Variants in BORCS5 observed in about 807,000 individuals in gnomAD.
The protein encoded by BORCS5 is BLOC-1 related complex subunit 5.
Under a neutral mutation model 22.1 loss-of-function variants are expected in BORCS5, and 17 were observed. The ratio of observed to expected loss-of-function variants is 0.77; its 90% CI spans 0.53 to 1.15. BORCS5 has a LOEUF of 1.15. Among genes scored for constraint, BORCS5 ranks in the 50% most tolerant of loss-of-function variants. The pLI is 0.00. For missense variants in BORCS5, 247 were observed against 253.2 expected (o/e 0.98, Z 0.17); for synonymous variants, 117 against 99.8 (o/e 1.17, Z -1.03).
chr12:12,410,019 A>G (rs1373571003), intron 2 of BORCS5, among the ~76,000 whole-genome samples: 1 of 152,130 alleles, frequency 6.6e-6, no homozygotes, highest in African/African-American at 2.4e-5. Context: ...TTGGCTGCAT[A>G]AATGTCTTCT....
chr12:12,436,628 A>G (rs1331556514), intron 3 of BORCS5, among the ~76,000 whole-genome samples: 1 of 102,802 alleles, frequency 9.7e-6, no homozygotes, highest in Non-Finnish European at 2.0e-5. Context: ...GTGGCCCTTT[A>G]ACTCTGGTGA....
intron 2 of BORCS5, among the ~76,000 whole-genome samples, chr12:12,432,479 T>G (rs1942455025): frequency 6.6e-6 from 1 of 152,228 alleles, no homozygotes; most frequent in African/African-American, 2.4e-5. Flanking sequence ...CTTATAAAAC[T>G]AAACATGCAA....
At chr12:12,452,596 CG>C (rs1160575236) in intron 3 of BORCS5, 12 of 319,458 alleles carry the variant, frequency 3.8e-5, no homozygotes, top group African/African-American at 2.4e-4. Flanking sequence ...TCCCGCACGC[CG>C]GCAAGAGTTT....
At chr12:12,361,406 C>G in intron 2 of BORCS5, 57 bp downstream of exon 2, 1 of 1,578,226 alleles carries the variant, frequency 6.3e-7, no homozygotes, top group Non-Finnish European at 8.7e-7. Context: ...TGTAGCCCTA[C>G]TACTTTCCCT....
At chr12:12,437,702 C>T (rs954786768) in intron 3 of BORCS5, among the ~76,000 whole-genome samples, 8 of 152,124 alleles carry the variant, frequency 5.3e-5, no homozygotes, top group Non-Finnish European at 1.2e-4. Context: ...TTATTAATGT[C>T]CCATAAAGTA....
intron 3 of BORCS5, among the ~76,000 whole-genome samples, chr12:12,437,655 A>G (rs1473067443): frequency 6.6e-6 from 1 of 152,228 alleles, no homozygotes; most frequent in African/African-American, 2.4e-5. Flanking sequence ...GACTTTTGAA[A>G]CTTAGTTGAC....
At chr12:12,451,884 C>T (rs1942916365) in intron 3 of BORCS5, among the ~76,000 whole-genome samples, 1 of 148,268 alleles carries the variant, frequency 6.7e-6, no homozygotes, top group Non-Finnish European at 1.5e-5. Context: ...CACCACTGCA[C>T]TCCAGCCTGG....
In BORCS5 at chr12:12,457,646, GCT is replaced by G. The variant is rs150411590; in HGVS notation, c.361-7894_361-7893del. On this transcript the variant is annotated intron_variant, in intron 3 of 3. Coordinates refer to ENST00000314565, the MANE Select transcript of BORCS5 (RefSeq NM_058169.6). ...GATCGCGCCACTGCACTCCATAGAA[GCT>G]CTCTCCCCTCCCCACAAACTCTGAG... Among the ~76,000 whole-genome samples the G allele has an allele frequency of 5.1e-3, 770 of 152,286 alleles. 8 individuals are homozygous for G. Among genetic ancestry groups the G allele is most frequent in the African/African-American group, 0.018 (747 of 41,556 alleles).
In BORCS5 at chr12:12,465,909, C is replaced by A; in HGVS notation, c.*133C>A. 1 of 685,566 alleles carries A rather than the reference C, an allele frequency of 1.5e-6. No homozygotes were observed. The highest frequency in any genetic ancestry group is 2.4e-6 in the Non-Finnish European group (1 of 415,794). The allele number at this position is 685,566 out of a possible 1,614,324, so 42.5% of individuals were successfully genotyped here. On this transcript the variant is annotated 3_prime_UTR_variant, in exon 4 of 4. Coordinates refer to ENST00000314565, the MANE Select transcript of BORCS5 (RefSeq NM_058169.6). ...CCCTGAAAGTGGGTGCGAAGGAGTC[C>A]GGCTGGCATGAAAATCTGACTTTGC... is the stretch of plus-strand genomic sequence containing the variant.
At position 12,467,395 on chromosome 12, in the gene BORCS5, C is replaced by G. The variant is rs1207294281; in HGVS notation, c.*1619C>G. 2 of 152,248 alleles carry G rather than the reference C, an allele frequency of 1.3e-5. No homozygotes were observed. Among genetic ancestry groups the G allele is most frequent in the Non-Finnish European group, 2.9e-5 (2 of 68,078 alleles). 9.4% of individuals were successfully genotyped at this position (152,248 alleles called of 1,614,324 possible). A position where few individuals can be genotyped will look rare whatever the true frequency, so the allele number is the denominator to read the frequency against. Reference sequence around the variant, plus strand: ...GCAGTTCAAGCCTGCGAGGGCCGAGCCTTTCCACTGCTGCAGCTGTTAGTG... The same window carrying G: ...GCAGTTCAAGCCTGCGAGGGCCGAGGCTTTCCACTGCTGCAGCTGTTAGTG... On this transcript the variant is annotated 3_prime_UTR_variant, in exon 4 of 4. Transcript: ENST00000314565.
chr12:12,433,322 CAAAAAA>C (rs34833037), intron 2 of BORCS5, among the ~76,000 whole-genome samples: 79 of 40,694 alleles, frequency 1.9e-3, no homozygotes, highest in Middle Eastern at 0.028. Flanking sequence ...GACTGTGTCT[CAAAAAA>C]AAAAAAAAAA....
intron 2 of BORCS5, among the ~76,000 whole-genome samples, chr12:12,373,966 G>A (rs1863585371): frequency 6.7e-6 from 1 of 150,054 alleles, no homozygotes; most frequent in South Asian, 2.1e-4. Flanking sequence ...AGAAGGCAGG[G>A]TTGCAGAGAG....
chr12:12,416,779 CTTT>C (rs36106735), intron 2 of BORCS5, among the ~76,000 whole-genome samples: 2 of 112,208 alleles, frequency 1.8e-5, no homozygotes, highest in Non-Finnish European at 3.6e-5. Context: ...TTAATGTAAA[CTTT>C]TTTTTTTTTT....
At chr12:12,415,647 T>C (rs1187302036) in intron 2 of BORCS5, among the ~76,000 whole-genome samples, 1 of 150,484 alleles carries the variant, frequency 6.6e-6, no homozygotes, top group Non-Finnish European at 1.5e-5. Flanking sequence ...TTTTCGTGTG[T>C]TGAATCATCC....
rs184286051 is a variant in BORCS5 at position 12,363,078 on chromosome 12, T to C, written c.202+1729T>C. ...TGGGTGGCTGAGGCAGGAGGATCAC[T>C]TGAGTCCAACAGTTCAAGACCAGCC... On this transcript the variant is annotated intron_variant, in intron 2 of 3. Transcript: ENST00000314565. Among the ~76,000 whole-genome samples, 290 of 151,946 alleles carry C rather than the reference T, an allele frequency of 1.9e-3. 1 individual carries two copies. The highest frequency in any genetic ancestry group is 6.7e-3 in the African/African-American group (279 of 41,484).
chr12:12,409,264 A>G (rs1941662019), intron 2 of BORCS5, among the ~76,000 whole-genome samples: 2 of 152,042 alleles, frequency 1.3e-5, no homozygotes, highest in South Asian at 4.2e-4. Context: ...GTACATGTGC[A>G]CAACGTGCAG....
chr12:12,368,796 A>G (rs1455369246), intron 2 of BORCS5, among the ~76,000 whole-genome samples: 1 of 152,018 alleles, frequency 6.6e-6, no homozygotes, highest in Non-Finnish European at 1.5e-5. Context: ...TTGTCTATAC[A>G]GTCGCTTTAA....
chr12:12,411,511 A>G (rs923187426), intron 2 of BORCS5, among the ~76,000 whole-genome samples: 2 of 152,168 alleles, frequency 1.3e-5, no homozygotes, highest in Non-Finnish European at 2.9e-5. Flanking sequence ...TAATAAATGT[A>G]TATAATAAAA....
chr12:12,437,165 A>G (rs1942572780), intron 3 of BORCS5, among the ~76,000 whole-genome samples: 1 of 152,192 alleles, frequency 6.6e-6, no homozygotes, highest in Non-Finnish European at 1.5e-5. Flanking sequence ...AGTGGGAGGT[A>G]ATTGAGTCAT....
Sources: allele counts gnomAD v4.1 joint callset (sites outside exome capture counted in the v4.1 genomes callset), GRCh38; gene constraint gnomAD v4.1.1; transcripts MANE v1.5; gene names NCBI Gene and HGNC (gene_info 2026-07-23, HGNC 2026-07-21).